TRHDE: variants seen among roughly 807,000 people sequenced by gnomAD.
TRHDE encodes the protein thyrotropin-releasing hormone-degrading ectoenzyme.
In TRHDE, 72 loss-of-function variants were observed where a neutral mutation model predicts 125.7. The ratio of observed to expected loss-of-function variants is 0.57; its 90% CI spans 0.47 to 0.70. The LOEUF is 0.70. TRHDE is among the 30% of genes least tolerant of loss of function. The pLI, the probability that TRHDE is intolerant of heterozygous loss-of-function variation, is 0.00. For missense variants in TRHDE, 1,110 were observed against 1,327.1 expected, an observed-to-expected ratio of 0.84 and a Z score of 2.54; for synonymous variants, 509 against 509.1, an observed-to-expected ratio of 1.00 and a Z score of 0.00.
chr12:72,477,245 A>AT (rs950899939), intron 5 of TRHDE, among the ~76,000 whole-genome samples: 2 of 152,168 alleles, frequency 1.3e-5, no homozygotes, highest in African/African-American at 4.8e-5. Context: ...AAGTACATTG[A>AT]TTTTTTGTAT....
intron 2 of TRHDE, among the ~76,000 whole-genome samples, chr12:72,131,493 C>T (rs1220527819): frequency 1.3e-5 from 2 of 151,938 alleles, no homozygotes; most frequent in African/African-American, 2.4e-5. Flanking sequence ...AAATTATCCC[C>T]TTTTCCCATA....
At chr12:72,527,686 A>AT (rs1363480143) in intron 6 of TRHDE, among the ~76,000 whole-genome samples, 1 of 152,058 alleles carries the variant, frequency 6.6e-6, no homozygotes, top group East Asian at 1.9e-4. Context: ...TCACATTCCC[A>AT]TTATTTTTTC....
chr12:72,619,230 T>C (rs1273628805), intron 13 of TRHDE, among the ~76,000 whole-genome samples, 192 bp downstream of exon 13: 2 of 152,160 alleles, frequency 1.3e-5, no homozygotes, highest in Non-Finnish European at 2.9e-5. Flanking sequence ...TACAAAATGC[T>C]GACCTAAAAG....
chr12:72,348,811 T>C (rs900779237), intron 2 of TRHDE, among the ~76,000 whole-genome samples: 21 of 152,084 alleles, frequency 1.4e-4, no homozygotes, highest in African/African-American at 5.1e-4. Context: ...AATAACCATA[T>C]GAATTTTCTG....
chr12:72,414,639 T>C (rs186771315), intron 3 of TRHDE, among the ~76,000 whole-genome samples: 1 of 152,228 alleles, frequency 6.6e-6, no homozygotes, highest in African/African-American at 2.4e-5. Context: ...TTAATTACTA[T>C]AATAACCTAC....
chr12:72,153,016 C>G (rs979151808), intron 2 of TRHDE, among the ~76,000 whole-genome samples: 1 of 152,124 alleles, frequency 6.6e-6, no homozygotes, highest in Admixed American at 6.5e-5. Context: ...GCTGTGAATC[C>G]ATTTGGTCCT....
chr12:72,647,005 C>T (rs544575508), intron 15 of TRHDE, among the ~76,000 whole-genome samples: 14 of 151,974 alleles, frequency 9.2e-5, no homozygotes, highest in African/African-American at 2.7e-4. Flanking sequence ...TCCTACCGTC[C>T]GACAACAGAA....
intron 12 of TRHDE, among the ~76,000 whole-genome samples, chr12:72,584,210 G>A (rs892968478): frequency 1.7e-4 from 26 of 152,072 alleles, no homozygotes; most frequent in South Asian, 8.3e-4. Context: ...CTGTCTGAGA[G>A]TGCTGAGTAG....
intron 2 of TRHDE, among the ~76,000 whole-genome samples, chr12:72,195,776 A>C (rs1877428830): frequency 6.6e-6 from 1 of 152,024 alleles, no homozygotes; most frequent in South Asian, 2.1e-4. Flanking sequence ...GCTTTTGAGG[A>C]TCTAGTTATA....
chr12:72,639,898 C>T (rs1019909500), intron 15 of TRHDE, among the ~76,000 whole-genome samples: 2 of 152,108 alleles, frequency 1.3e-5, no homozygotes, highest in Admixed American at 1.3e-4. Context: ...AACCACTGCT[C>T]TCTTCAAAGC....
chr12:72,506,604 C>A (rs955334791), intron 6 of TRHDE, among the ~76,000 whole-genome samples: 6 of 152,142 alleles, frequency 3.9e-5, no homozygotes, highest in African/African-American at 1.4e-4. Context: ...AGCAAATAAA[C>A]ATTTCAGGAT....
chr12:72,315,698 G>A (rs558034740), intron 2 of TRHDE, among the ~76,000 whole-genome samples: 22 of 152,314 alleles, frequency 1.4e-4, no homozygotes, highest in African/African-American at 5.1e-4. Context: ...CTGCCAGGAC[G>A]CCTGGGTGTC....
At chr12:72,136,620 T>A (rs891668398) in intron 2 of TRHDE, among the ~76,000 whole-genome samples, 1 of 152,248 alleles carries the variant, frequency 6.6e-6, no homozygotes, top group Non-Finnish European at 1.5e-5. Flanking sequence ...TAATATTCTA[T>A]GTTCTGCAAT....
intron 1 of TRHDE, among the ~76,000 whole-genome samples, chr12:72,089,030 C>T (rs1253775868): frequency 6.6e-5 from 10 of 152,120 alleles, no homozygotes. Flanking sequence ...TCTTGATCCT[C>T]CTTTTCAAAC....
chr12:72,569,858 G>A (rs139378006), intron 10 of TRHDE, among the ~76,000 whole-genome samples: 1 of 152,112 alleles, frequency 6.6e-6, no homozygotes, highest in East Asian at 1.9e-4. Context: ...ACTGGAATTA[G>A]TATTTATATT....
At chr12:72,411,072 A>G (rs920485706) in intron 3 of TRHDE, among the ~76,000 whole-genome samples, 2 of 151,802 alleles carry the variant, frequency 1.3e-5, no homozygotes, top group Admixed American at 6.6e-5. Flanking sequence ...GCGTGGTGGC[A>G]GGCACCTGTA....
chr12:72,388,393 C>G (rs2135788187), intron 3 of TRHDE, among the ~76,000 whole-genome samples: 1 of 151,646 alleles, frequency 6.6e-6, no homozygotes, highest in South Asian at 2.1e-4. Flanking sequence ...ATTTCTTTAC[C>G]CAAATGTAAG....
chr12:72,382,312 A>T (rs1453603424), intron 3 of TRHDE, among the ~76,000 whole-genome samples: 2 of 152,094 alleles, frequency 1.3e-5, no homozygotes, highest in Admixed American at 1.3e-4. Context: ...AGGTGTGCTT[A>T]AAAGCAAATG....
At chr12:72,359,898 G>A (rs1477900405) in intron 2 of TRHDE, among the ~76,000 whole-genome samples, 2 of 151,748 alleles carry the variant, frequency 1.3e-5, no homozygotes, top group African/African-American at 4.8e-5. Flanking sequence ...ACAGAATGTG[G>A]TATTGGCACG....
Sources: gnomAD v4.1 joint callset for allele counts (sites outside exome capture counted in the v4.1 genomes callset) on GRCh38, gnomAD v4.1.1 for gene constraint, MANE v1.5 for transcripts, NCBI Gene and HGNC (gene_info 2026-07-23, HGNC 2026-07-21) for gene names.